The following ALDH1A1 variants were observed in gnomAD, a reference collection of about 807,000 sequenced individuals.
The protein encoded by ALDH1A1 is aldehyde dehydrogenase 1A1.
Under a neutral mutation model 62.1 loss-of-function variants are expected in ALDH1A1, and 19 were observed. The observed-to-expected ratio is 0.31, with a 90% confidence interval of 0.21 to 0.45. The LOEUF is 0.45. Among genes scored for constraint, ALDH1A1 ranks in the 20% least tolerant of loss-of-function variants. The probability of loss-of-function intolerance (pLI) is 1.00; values close to 1 mark genes in which losing one functional copy is unlikely to be tolerated. For missense variants in ALDH1A1, 521 were observed against 607.1 expected, an observed-to-expected ratio of 0.86 and a Z score of 1.49; for synonymous variants, 231 against 215.9, an observed-to-expected ratio of 1.07 and a Z score of -0.61.
intron 11 of ALDH1A1, among the ~76,000 whole-genome samples, chr9:72,907,663 A>T (rs1330244058): frequency 6.6e-6 from 1 of 152,220 alleles, no homozygotes; most frequent in African/African-American, 2.4e-5. Context: ...TCAAAATGTT[A>T]TCTGTCTTCT....
At position 72,949,607 on chromosome 9, in the gene ALDH1A1, T is replaced by A. The variant is rs141981163; in HGVS notation, c.66+3328A>T. On this transcript the variant is annotated intron_variant, in intron 1 of 12. Coordinates refer to ENST00000297785, the MANE Select transcript of ALDH1A1 (RefSeq NM_000689.5). ...TCATTGTCAAGAACTTAAACAGTCA[T>A]GGCAGAGTAAGCACAATAAATTTTA... is the stretch of plus-strand genomic sequence containing the variant. Among the ~76,000 whole-genome samples, 885 of 151,662 alleles carry A rather than the reference T, an allele frequency of 5.8e-3. 15 individuals carry two copies. The highest frequency in any genetic ancestry group is 0.021 in the African/African-American group (851 of 41,378).
intron 3 of ALDH1A1, 53 bp downstream of exon 3, chr9:72,930,826 C>A: frequency 6.2e-7 from 1 of 1,605,670 alleles, no homozygotes; most frequent in Non-Finnish European, 8.5e-7. Context: ...CCATTTCAAA[C>A]GCTGAATGCT....
intron 11 of ALDH1A1, among the ~76,000 whole-genome samples, chr9:72,908,908 C>T (rs1829941657): frequency 1.3e-5 from 2 of 152,076 alleles, no homozygotes; most frequent in African/African-American, 2.4e-5. Context: ...AAAATAACTT[C>T]AATTATCTCT....
intron 1 of ALDH1A1, among the ~76,000 whole-genome samples, chr9:72,947,034 A>T (rs1260804385): frequency 6.6e-6 from 1 of 151,954 alleles, no homozygotes; most frequent in Non-Finnish European, 1.5e-5. Flanking sequence ...AGCCCTTATG[A>T]AATGGGGACA....
chr9:72,901,673 A>G (rs969692177), intron 12 of ALDH1A1, among the ~76,000 whole-genome samples: 2 of 152,066 alleles, frequency 1.3e-5, no homozygotes, highest in African/African-American at 4.8e-5. Context: ...GAATTTTGTC[A>G]TTTCTAGTTT....
At chr9:72,940,406 T>C (rs1830402112) in intron 1 of ALDH1A1, among the ~76,000 whole-genome samples, 154 bp from the exon 2 acceptor site, 1 of 152,254 alleles carries the variant, frequency 6.6e-6, no homozygotes, top group African/African-American at 2.4e-5. Context: ...ACATTTTGTG[T>C]TCACATGCAT....
chr9:72,951,789 C>T (rs1046764674), intron 1 of ALDH1A1, among the ~76,000 whole-genome samples: 2 of 151,858 alleles, frequency 1.3e-5, no homozygotes, highest in Non-Finnish European at 2.9e-5. Context: ...AACAAAACCT[C>T]GTGATAACAA....
intron 8 of ALDH1A1, among the ~76,000 whole-genome samples, chr9:72,918,016 A>G (rs1830084714): frequency 6.6e-6 from 1 of 152,250 alleles, no homozygotes; most frequent in Admixed American, 6.5e-5. Context: ...AAACAGCAAC[A>G]TAGGCTAATT....
chr9:72,921,535 T>A (rs1181187248), intron 7 of ALDH1A1, among the ~76,000 whole-genome samples: 62 of 148,232 alleles, frequency 4.2e-4, no homozygotes, highest in South Asian at 3.0e-3. Context: ...TTTTTTTTTT[T>A]AATTATACTC....
At chr9:72,907,104 T>C (rs1171540525) in intron 11 of ALDH1A1, among the ~76,000 whole-genome samples, 1 of 152,230 alleles carries the variant, frequency 6.6e-6, no homozygotes, top group African/African-American at 2.4e-5. Flanking sequence ...TTTTCTTTGT[T>C]AAAACACTAT....
chr9:72,934,333 A>C (rs1830321526), intron 2 of ALDH1A1, among the ~76,000 whole-genome samples: 1 of 152,012 alleles, frequency 6.6e-6, no homozygotes, highest in Non-Finnish European at 1.5e-5. Flanking sequence ...TCTCAAGTTC[A>C]TTCTCTTCTC....
At chr9:72,911,313 G>A (rs1198410405) in intron 10 of ALDH1A1, among the ~76,000 whole-genome samples, 2 of 152,078 alleles carry the variant, frequency 1.3e-5, no homozygotes, top group East Asian at 1.9e-4. Flanking sequence ...AGAGTCTATA[G>A]GGCAAAGGTG....
intron 5 of ALDH1A1, among the ~76,000 whole-genome samples, chr9:72,926,317 T>C (rs948973833): frequency 2.6e-5 from 4 of 152,242 alleles, no homozygotes; most frequent in African/African-American, 9.6e-5. Context: ...TATCGATTTA[T>C]TGGGACTTTT....
At chr9:72,931,925 A>G (rs1023528764) in intron 2 of ALDH1A1, among the ~76,000 whole-genome samples, 2 of 152,196 alleles carry the variant, frequency 1.3e-5, no homozygotes, top group African/African-American at 2.4e-5. Flanking sequence ...CTTCACTCTC[A>G]TAGTGCCTTC....
At chr9:72,939,550 CTTT>C (rs111546946) in intron 2 of ALDH1A1, among the ~76,000 whole-genome samples, 1 of 146,562 alleles carries the variant, frequency 6.8e-6, no homozygotes, top group Non-Finnish European at 1.5e-5. Context: ...TTTTCCTTTT[CTTT>C]TTTTTTTTGG....
intron 9 of ALDH1A1, among the ~76,000 whole-genome samples, chr9:72,912,804 G>A (rs981733442): frequency 2.6e-5 from 4 of 152,046 alleles, no homozygotes; most frequent in African/African-American, 4.8e-5. Flanking sequence ...AACTTAAATC[G>A]TCTTTATTTA....
chr9:72,950,392 A>T (rs938634459), intron 1 of ALDH1A1, among the ~76,000 whole-genome samples: 1 of 151,860 alleles, frequency 6.6e-6, no homozygotes, highest in Non-Finnish European at 1.5e-5. Context: ...AGTAATGAGG[A>T]TAAGGATGGG....
chr9:72,952,337 A>G (rs1168668838), intron 1 of ALDH1A1, among the ~76,000 whole-genome samples: 2 of 151,996 alleles, frequency 1.3e-5, no homozygotes, highest in African/African-American at 4.8e-5. Flanking sequence ...AATATTTATC[A>G]GTTAACAATT....
intron 11 of ALDH1A1, among the ~76,000 whole-genome samples, chr9:72,908,358 C>T (rs760255878): frequency 2.3e-5 from 3 of 133,172 alleles, no homozygotes; most frequent in Non-Finnish European, 3.1e-5. Flanking sequence ...TCACTTGAAC[C>T]CAGGAGGCAG....
Sources: allele counts gnomAD v4.1 joint callset (sites outside exome capture counted in the v4.1 genomes callset), GRCh38; gene constraint gnomAD v4.1.1; transcripts MANE v1.5; gene names NCBI Gene and HGNC (gene_info 2026-07-23, HGNC 2026-07-21).